The following RGS6 variants were observed in gnomAD, a reference collection of about 807,000 sequenced individuals.
RGS6 encodes regulator of G-protein signaling 6.
Under a neutral mutation model 78.5 loss-of-function variants are expected in RGS6, and 30 were observed. The observed-to-expected ratio is 0.38, with a 90% CI of 0.29 to 0.52. The LOEUF (loss-of-function observed/expected upper bound fraction) is 0.52. Among genes scored for constraint, RGS6 ranks in the 20% least tolerant of loss-of-function variants. RGS6 has a pLI of 0.85. For synonymous variants in RGS6, 206 were observed against 206.0 expected (o/e 1.00, Z 0.00); for missense variants, 495 against 609.7 (o/e 0.81, Z 1.98).
intron 15 of RGS6, among the ~76,000 whole-genome samples, chr14:72,519,649 C>T (rs546255209): frequency 3.3e-5 from 5 of 152,300 alleles, no homozygotes; most frequent in African/African-American, 4.8e-5. Context: ...GTGCCAATCA[C>T]GAAATCATGA....
intron 14 of RGS6, among the ~76,000 whole-genome samples, chr14:72,512,522 A>G (rs1413813881): frequency 6.6e-6 from 1 of 152,180 alleles, no homozygotes; most frequent in Non-Finnish European, 1.5e-5. Flanking sequence ...GGGTGAAAGC[A>G]TGCATGTGAG....
At chr14:72,210,144 T>C (rs1051375991) in intron 2 of RGS6, among the ~76,000 whole-genome samples, 3 of 152,230 alleles carry the variant, frequency 2.0e-5, no homozygotes, top group Non-Finnish European at 2.9e-5. Flanking sequence ...GAGAAAATTA[T>C]CTAATAAAGT....
At chr14:72,217,505 A>G (rs1410883550) in intron 2 of RGS6, among the ~76,000 whole-genome samples, 3 of 152,152 alleles carry the variant, frequency 2.0e-5, no homozygotes, top group Non-Finnish European at 2.9e-5. Context: ...AAGAATCTGC[A>G]TTTTGTTTAT....
intron 3 of RGS6, among the ~76,000 whole-genome samples, chr14:72,361,749 AC>A (rs1349600584): frequency 6.6e-6 from 1 of 152,108 alleles, no homozygotes; most frequent in Non-Finnish European, 1.5e-5. Context: ...GAAGCAAAGG[AC>A]CAGGGATCAG....
intron 2 of RGS6, among the ~76,000 whole-genome samples, chr14:72,329,997 A>G (rs1395452860): frequency 1.3e-5 from 2 of 152,230 alleles, no homozygotes; most frequent in Non-Finnish European, 2.9e-5. Context: ...GTGGTGAACT[A>G]TAAACTTGGA....
At chr14:72,282,106 A>G (rs1006385262) in intron 2 of RGS6, among the ~76,000 whole-genome samples, 6 of 152,200 alleles carry the variant, frequency 3.9e-5, no homozygotes, top group African/African-American at 1.2e-4. Context: ...AAGATGGGGA[A>G]TAATGGGGAA....
chr14:72,335,744 T>A (rs1210741347), intron 2 of RGS6, among the ~76,000 whole-genome samples: 2 of 152,240 alleles, frequency 1.3e-5, no homozygotes, highest in Non-Finnish European at 2.9e-5. Context: ...ATGAGCTTAA[T>A]GTTTTAAGAA....
intron 2 of RGS6, among the ~76,000 whole-genome samples, chr14:72,018,726 C>T (rs2087657862): frequency 6.6e-6 from 1 of 152,154 alleles, no homozygotes; most frequent in Non-Finnish European, 1.5e-5. Context: ...CTCCTCTGTG[C>T]TAGTTGAAAT....
chr14:72,152,397 C>T (rs1722911501), intron 2 of RGS6, among the ~76,000 whole-genome samples: 1 of 152,040 alleles, frequency 6.6e-6, no homozygotes, highest in Non-Finnish European at 1.5e-5. Flanking sequence ...CAGTTTGCTC[C>T]AGAGGGTAGT....
intron 2 of RGS6, among the ~76,000 whole-genome samples, chr14:71,991,395 A>G (rs1181936121): frequency 2.0e-5 from 3 of 152,202 alleles, no homozygotes; most frequent in Non-Finnish European, 4.4e-5. Context: ...AAAAACAGAC[A>G]AGAAGACAAA....
chr14:71,916,393 C>T, the RGS6 span, among the ~76,000 whole-genome samples: 1 of 152,068 alleles, frequency 6.6e-6, no homozygotes, highest in Non-Finnish European at 1.5e-5. Context: ...TTTGTGTTTA[C>T]AGGCTGAGGA....
At chr14:72,040,098 GT>G (rs1174891541) in intron 2 of RGS6, among the ~76,000 whole-genome samples, 1 of 151,700 alleles carries the variant, frequency 6.6e-6, no homozygotes, top group East Asian at 1.9e-4. Context: ...CATTTATAGA[GT>G]TTTATAATTG....
intron 2 of RGS6, among the ~76,000 whole-genome samples, chr14:72,021,684 C>A (rs1290743808): frequency 2.0e-5 from 3 of 151,806 alleles, no homozygotes; most frequent in Non-Finnish European, 2.9e-5. Flanking sequence ...GTTGGCCAGG[C>A]TGGTCTCGAA....
At chr14:72,180,073 G>A (rs770448442) in intron 2 of RGS6, among the ~76,000 whole-genome samples, 1 of 152,220 alleles carries the variant, frequency 6.6e-6, no homozygotes, top group African/African-American at 2.4e-5. Flanking sequence ...ACTAATGGGA[G>A]TTTAAGAAGG....
At chr14:72,494,593 TATCA>T (rs1281055072) in intron 12 of RGS6, among the ~76,000 whole-genome samples, 1 of 152,242 alleles carries the variant, frequency 6.6e-6, no homozygotes, top group East Asian at 1.9e-4. Context: ...AAATAAATTA[TATCA>T]ATCTATAAGA....
intron 3 of RGS6, among the ~76,000 whole-genome samples, chr14:72,428,423 A>T (rs1175667831): frequency 2.0e-5 from 3 of 152,136 alleles, no homozygotes; most frequent in Admixed American, 6.5e-5. Context: ...TCTCTGTGGG[A>T]GATTCAGTTC....
intron 2 of RGS6, among the ~76,000 whole-genome samples, chr14:71,994,333 G>A (rs2095100101): frequency 6.6e-6 from 1 of 151,964 alleles, no homozygotes; most frequent in African/African-American, 2.4e-5. Context: ...GATTCTTATG[G>A]TTATTTATAT....
At chr14:72,472,174 A>C (rs2096096710) in intron 8 of RGS6, among the ~76,000 whole-genome samples, 1 of 144,844 alleles carries the variant, frequency 6.9e-6, no homozygotes, top group Admixed American at 6.7e-5. Flanking sequence ...TTTTTTAAGA[A>C]AAAAAAAAAA....
chr14:71,987,913 T>C (rs1231133900), intron 2 of RGS6, among the ~76,000 whole-genome samples: 3 of 132,070 alleles, frequency 2.3e-5, no homozygotes. Flanking sequence ...TAGAAGACTT[T>C]ATGTGCTTTT....
Sources: gnomAD v4.1 joint callset for allele counts (sites outside exome capture counted in the v4.1 genomes callset) on GRCh38, gnomAD v4.1.1 for gene constraint, MANE v1.5 for transcripts, NCBI Gene and HGNC (gene_info 2026-07-23, HGNC 2026-07-21) for gene names.